The following STX8 variants were observed in gnomAD, a reference collection of about 807,000 sequenced individuals.
STX8 encodes the protein syntaxin 8, also known as syntaxin-8.
A neutral mutation model predicts 37.5 loss-of-function variants in STX8; 23 were observed. The ratio of observed to expected loss-of-function variants is 0.61; its 90% CI spans 0.44 to 0.87. The LOEUF (loss-of-function observed/expected upper bound fraction) is 0.87, where lower values mean the gene tolerates loss of function less well. Ranked by LOEUF, STX8 falls within the 40% of genes least tolerant of loss-of-function variation. The pLI, the probability that STX8 is intolerant of heterozygous loss-of-function variation, is 0.00. For missense variants in STX8, 313 were observed against 284.7 expected, an observed-to-expected ratio of 1.10 and a Z score of -0.71; for synonymous variants, 115 against 99.1, an observed-to-expected ratio of 1.16 and a Z score of -0.95.
At chr17:9,366,046 A>T (rs1911220562) in intron 7 of STX8, among the ~76,000 whole-genome samples, 2 of 152,146 alleles carry the variant, frequency 1.3e-5, no homozygotes, top group African/African-American at 2.4e-5. Flanking sequence ...AGAACAAAAC[A>T]ATCACCATAG....
intron 7 of STX8, among the ~76,000 whole-genome samples, chr17:9,335,333 T>C (rs891207017): frequency 4.6e-5 from 7 of 152,236 alleles, no homozygotes; most frequent in Non-Finnish European, 1.0e-4. Flanking sequence ...TAAATTTATG[T>C]TTGAGTGCTA....
intron 5 of STX8, among the ~76,000 whole-genome samples, chr17:9,502,141 T>C (rs539413146): frequency 3.3e-5 from 5 of 152,316 alleles, no homozygotes; most frequent in Admixed American, 1.3e-4. Context: ...GAAAACAGTA[T>C]GGAGGTTCTT....
chr17:9,309,088 A>G (rs1314714064), intron 7 of STX8, among the ~76,000 whole-genome samples: 1 of 151,852 alleles, frequency 6.6e-6, no homozygotes, highest in South Asian at 2.1e-4. Flanking sequence ...GGGGTGGCAA[A>G]TTAGGGGGAT....
chr17:9,556,772 T>TATATATATACATAC (rs1906988481), intron 3 of STX8: 1 of 82,944 alleles, frequency 1.2e-5, no homozygotes, highest in Non-Finnish European at 2.4e-5. Flanking sequence ...TATATATATA[T>TATATATATACATAC]ATATATATAT....
chr17:9,445,723 T>C (rs1904825240), intron 6 of STX8, among the ~76,000 whole-genome samples: 1 of 152,108 alleles, frequency 6.6e-6, no homozygotes, highest in African/African-American at 2.4e-5. Context: ...TCCAAACTAT[T>C]ACCCACTTTT....
intron 7 of STX8, among the ~76,000 whole-genome samples, chr17:9,326,930 C>T (rs1368997206): frequency 2.0e-5 from 3 of 152,112 alleles, no homozygotes; most frequent in African/African-American, 4.8e-5. Flanking sequence ...GAGGCTGAGG[C>T]GGGCAGATCA....
intron 6 of STX8, among the ~76,000 whole-genome samples, chr17:9,428,286 C>G (rs918162446): frequency 1.4e-4 from 22 of 152,162 alleles, no homozygotes; most frequent in Non-Finnish European, 2.6e-4. Context: ...CTGTCTCCAG[C>G]CTGGTGGGCA....
At chr17:9,478,871 G>A (rs1002690331) in intron 6 of STX8, among the ~76,000 whole-genome samples, 7 of 152,070 alleles carry the variant, frequency 4.6e-5, no homozygotes, top group East Asian at 3.9e-4. Context: ...AGCTCCCTTC[G>A]GCCCATTCCT....
intron 7 of STX8, among the ~76,000 whole-genome samples, chr17:9,323,962 C>A (rs963186540): frequency 2.0e-5 from 3 of 152,130 alleles, no homozygotes; most frequent in African/African-American, 7.2e-5. Context: ...GACACAGGCG[C>A]AGTGGGGCGG....
chr17:9,368,390 GC>G (rs1318903661), intron 7 of STX8, among the ~76,000 whole-genome samples: 1 of 152,132 alleles, frequency 6.6e-6, no homozygotes, highest in Admixed American at 6.5e-5. Context: ...TGCAGTCCCA[GC>G]TACTCGGAAG....
At chr17:9,450,087 C>CT (rs202187540) in intron 6 of STX8, among the ~76,000 whole-genome samples, 34 of 151,388 alleles carry the variant, frequency 2.2e-4, no homozygotes, top group Middle Eastern at 3.4e-3. Flanking sequence ...CTACATGTAA[C>CT]TTTTTTTTTG....
chr17:9,370,894 TATC>T (rs781548837), intron 7 of STX8, among the ~76,000 whole-genome samples: 165 of 148,346 alleles, frequency 1.1e-3, no homozygotes, highest in Non-Finnish European at 1.8e-3. Context: ...AGTGGAAAAA[TATC>T]AGTCTAATTT....
chr17:9,438,307 C>G (rs1196264342), intron 6 of STX8, among the ~76,000 whole-genome samples: 2 of 150,730 alleles, frequency 1.3e-5, no homozygotes, highest in Non-Finnish European at 2.9e-5. Context: ...CTACAACACA[C>G]TACCCCCCTC....
chr17:9,334,110 C>G (rs1252310509), intron 7 of STX8, among the ~76,000 whole-genome samples: 3 of 130,892 alleles, frequency 2.3e-5, no homozygotes, highest in Non-Finnish European at 4.6e-5. Flanking sequence ...TCGTCCCTGT[C>G]TTCTTGCACT....
At chr17:9,294,803 A>T (rs1270347019) in intron 7 of STX8, among the ~76,000 whole-genome samples, 1 of 152,178 alleles carries the variant, frequency 6.6e-6, no homozygotes, top group Non-Finnish European at 1.5e-5. Context: ...AATGAAAATG[A>T]GGTCATAAGA....
At chr17:9,293,801 G>A (rs542633614) in intron 7 of STX8, among the ~76,000 whole-genome samples, 24 of 149,758 alleles carry the variant, frequency 1.6e-4, no homozygotes, top group East Asian at 3.9e-4. Flanking sequence ...TCTGTCTGTC[G>A]CCCAGGCTGG....
At chr17:9,307,888 A>G (rs763720003) in intron 7 of STX8, among the ~76,000 whole-genome samples, 6 of 152,200 alleles carry the variant, frequency 3.9e-5, no homozygotes, top group East Asian at 1.9e-4. Context: ...AGCAAGCTAT[A>G]AAACCTAGAA....
At chr17:9,537,898 C>A (rs1270434192) in intron 4 of STX8, among the ~76,000 whole-genome samples, 1 of 152,098 alleles carries the variant, frequency 6.6e-6, no homozygotes, top group African/African-American at 2.4e-5. Context: ...TTGTATGATT[C>A]TTTATTTCAT....
In STX8 at chr17:9,300,771, T is replaced by C. The variant is rs183098579; in HGVS notation, c.644-50126A>G. ...TTATTTATTTTGCATATTGCAGAGG[T>C]TGTGCCTTCCAAATTAATGATATGT... On this transcript the variant is annotated intron_variant, in intron 7 of 7. Coordinates refer to ENST00000306357, the MANE Select transcript of STX8 (RefSeq NM_004853.3). Among the ~76,000 whole-genome samples, 23 of 152,104 alleles carry C rather than the reference T, an allele frequency of 1.5e-4. No individual in the cohort carries two copies. In the East Asian group the frequency reaches 4.0e-3, roughly 27 times the overall value.
Sources: allele counts gnomAD v4.1 joint callset (sites outside exome capture counted in the v4.1 genomes callset), GRCh38; gene constraint gnomAD v4.1.1; transcripts MANE v1.5; gene names NCBI Gene and HGNC (gene_info 2026-07-23, HGNC 2026-07-21).